MSI2: variants seen among roughly 807,000 people sequenced by gnomAD.
MSI2 encodes RNA-binding protein Musashi homolog 2.
In MSI2, 17 loss-of-function variants were observed where a neutral mutation model predicts 45.6. That is an observed-to-expected ratio of 0.37 (90% CI 0.26 to 0.56). The LOEUF (loss-of-function observed/expected upper bound fraction) is 0.56, where lower values mean the gene tolerates loss of function less well. Ranked by LOEUF, MSI2 falls within the 20% of genes least tolerant of loss-of-function variation. The probability of loss-of-function intolerance (pLI) is 0.77; values close to 1 mark genes in which losing one functional copy is unlikely to be tolerated. For synonymous variants in MSI2, 156 were observed against 158.2 expected, an observed-to-expected ratio of 0.99 and a Z score of 0.11; for missense variants, 293 against 444.2, an observed-to-expected ratio of 0.66 and a Z score of 3.06.
rs12450773 is a variant in MSI2, at chr17:57,646,742, A to T, written c.728-5357A>T. 1.5e-3 allele frequency among the ~76,000 whole-genome samples: 234 copies of T among 152,334 alleles called. 1 individual carries two copies. The South Asian group carries it at 0.016, about 11-fold the overall frequency. Reference sequence around the variant, plus strand: ...GAATGGGTCTTCGAGTCTGACGCCCATTAAACAAGATGGTTCCCACAAGCC... The same window carrying T: ...GAATGGGTCTTCGAGTCTGACGCCCTTTAAACAAGATGGTTCCCACAAGCC... On this transcript the variant is annotated intron_variant, in intron 10 of 13. Transcript: ENST00000284073.
At chr17:57,408,523 C>T (rs988871034) in intron 6 of MSI2, among the ~76,000 whole-genome samples, 7 of 149,350 alleles carry the variant, frequency 4.7e-5, no homozygotes, top group South Asian at 4.5e-4. Context: ...TTTTCTGCTG[C>T]GGCAAGGAGA....
intron 6 of MSI2, among the ~76,000 whole-genome samples, chr17:57,413,173 T>A (rs190152293): frequency 2.7e-4 from 41 of 150,840 alleles, no homozygotes; most frequent in East Asian, 9.7e-4. Context: ...ACACACACAC[T>A]CTCTCTCTCT....
intron 6 of MSI2, among the ~76,000 whole-genome samples, chr17:57,405,019 A>G (rs1218973651): frequency 6.6e-6 from 1 of 152,042 alleles, no homozygotes; most frequent in Non-Finnish European, 1.5e-5. Flanking sequence ...TGAGCTACCC[A>G]GGGGTGAAGA....
intron 13 of MSI2, among the ~76,000 whole-genome samples, chr17:57,677,848 G>C (rs1913342218): frequency 1.3e-5 from 2 of 152,178 alleles, no homozygotes; most frequent in Admixed American, 1.3e-4. Context: ...ACACTCCTTT[G>C]GAAATGAGTA....
At chr17:57,632,512 CT>C in intron 10 of MSI2, 1 of 1,067,052 alleles carries the variant, frequency 9.4e-7, no homozygotes, top group Admixed American at 5.3e-5. Context: ...TGGGCCCCGC[CT>C]TCCCCAGCTC....
chr17:57,622,628 G>C (rs1273106461), intron 9 of MSI2, among the ~76,000 whole-genome samples: 1 of 151,496 alleles, frequency 6.6e-6, no homozygotes. Context: ...AGTGTTCCCT[G>C]ACATTAAGCC....
chr17:57,551,383 C>G (rs752203668), intron 7 of MSI2, among the ~76,000 whole-genome samples: 1 of 152,090 alleles, frequency 6.6e-6, no homozygotes, highest in Non-Finnish European at 1.5e-5. Context: ...GTGTGAGCCT[C>G]GGGGATTGCT....
At chr17:57,386,942 C>T (rs930521) in intron 5 of MSI2, among the ~76,000 whole-genome samples, 136,829 of 152,300 alleles carry the variant, frequency 0.9, 61,474 homozygotes, top group East Asian at 0.97. Flanking sequence ...TGCAGGGCAA[C>T]TTCCCCTTAG....
Position 57,682,804 on chromosome 17 carries a change from T to A in MSI2, c.*3287T>A. The A allele has an allele frequency of 4.5e-6, 1 of 224,246 alleles. No homozygotes were observed. Among genetic ancestry groups the A allele is most frequent in the Non-Finnish European group, 8.9e-6 (1 of 112,516 alleles). The allele number at this position is 224,246 out of a possible 1,614,324, so 13.9% of individuals were successfully genotyped here. A position where few individuals can be genotyped will look rare whatever the true frequency, so the allele number is the denominator to read the frequency against. Reference sequence around the variant, plus strand: ...ATTATCAAACAGCCACCGGGTGACTTTCTGGCTTCCAGATCCATCTGCCTG... The same window carrying A: ...ATTATCAAACAGCCACCGGGTGACTATCTGGCTTCCAGATCCATCTGCCTG... On this transcript the variant is annotated 3_prime_UTR_variant, in exon 14 of 14. Coordinates refer to ENST00000284073, the MANE Select transcript of MSI2 (RefSeq NM_138962.4).
rs118162129 is a variant in MSI2 at position 57,388,147 on chromosome 17, G to A, written c.313-13232G>A. 4.2e-4 allele frequency among the ~76,000 whole-genome samples: 64 copies of A among 152,154 alleles called. 1 individual carries two copies. Among genetic ancestry groups the A allele is most frequent in the South Asian group, 8.3e-4 (4 of 4,812 alleles). The stretch of plus-strand genomic sequence containing the variant: ...CTTAGGTTTAGAAAAATCATCTTCC[G>A]TCCTTAGAGGGTTGAGACATTCAAT... On this transcript the variant is annotated intron_variant, in intron 5 of 13. Coordinates refer to ENST00000284073, the MANE Select transcript of MSI2 (RefSeq NM_138962.4).
At chr17:57,655,378 C>G (rs1353890929) in intron 11 of MSI2, among the ~76,000 whole-genome samples, 1 of 152,162 alleles carries the variant, frequency 6.6e-6, no homozygotes, top group African/African-American at 2.4e-5. Context: ...CAGAAGCCTC[C>G]CCCGACAGGT....
At chr17:57,606,588 C>T (rs1351590028) in intron 8 of MSI2, among the ~76,000 whole-genome samples, 1 of 152,104 alleles carries the variant, frequency 6.6e-6, no homozygotes, top group Non-Finnish European at 1.5e-5. Flanking sequence ...ACCCATTGCC[C>T]AGATTCTGAG....
chr17:57,584,759 G>A (rs2088299030), intron 7 of MSI2, among the ~76,000 whole-genome samples: 1 of 151,742 alleles, frequency 6.6e-6, no homozygotes. Flanking sequence ...GCACAGCCAG[G>A]TGCGACACTC....
rs544562507 is a variant in MSI2 at position 57,561,778 on chromosome 17, C to T, written c.454+32054C>T. On this transcript the variant is annotated intron_variant, in intron 7 of 13. Transcript: ENST00000284073. ...CAGCACCCCTTTATCCAGAGGGGAT[C>T]GGCTGCATGTTTAATGAGAACTTTA... 2.2e-4 allele frequency among the ~76,000 whole-genome samples: 34 copies of T among 152,196 alleles called. No homozygotes were observed. In the East Asian group the frequency reaches 4.8e-3, roughly 22 times the overall value.
chr17:57,264,471 C>G (rs554787848), intron 5 of MSI2: 9 of 152,222 alleles, frequency 5.9e-5, no homozygotes, highest in Non-Finnish European at 1.0e-4. Flanking sequence ...CCTCTGCCCC[C>G]CAGAGTGCTG....
At chr17:57,527,285 C>T (rs1292077242) in intron 6 of MSI2, among the ~76,000 whole-genome samples, 1 of 151,714 alleles carries the variant, frequency 6.6e-6, no homozygotes, top group Non-Finnish European at 1.5e-5. Context: ...ACCCACACCC[C>T]AGGCATTCGA....
chr17:57,648,745 C>A (rs143474406), intron 10 of MSI2, among the ~76,000 whole-genome samples: 1 of 152,304 alleles, frequency 6.6e-6, no homozygotes, highest in Non-Finnish European at 1.5e-5. Context: ...CCTGCCAGAC[C>A]ACCTGCCTGG....
chr17:57,361,569 T>C (rs753686924), intron 5 of MSI2, among the ~76,000 whole-genome samples: 3 of 148,074 alleles, frequency 2.0e-5, no homozygotes, highest in Non-Finnish European at 4.4e-5. Context: ...ATCATGCCAC[T>C]GCACTCAAGC....
rs111461890 is a variant in MSI2, at chr17:57,610,450, TA to T, written c.538-5506del. ...CTGAGCGACACAGCAAGACTCCGTC[TA>T]AAAAAAAAAAAAATTCTACATATAG... On this transcript the variant is annotated intron_variant, in intron 8 of 13. Coordinates refer to ENST00000284073, the MANE Select transcript of MSI2 (RefSeq NM_138962.4). Among the ~76,000 whole-genome samples the T allele has an allele frequency of 1.5e-3, 159 of 109,454 alleles. 4 individuals are homozygous for T. Among genetic ancestry groups the T allele is most frequent in the Admixed American group, 1.9e-3 (21 of 11,182 alleles). The allele number at this position is 109,454 out of a possible 152,430, so 71.8% of individuals were successfully genotyped here.
Sources: allele counts gnomAD v4.1 joint callset (sites outside exome capture counted in the v4.1 genomes callset), GRCh38; gene constraint gnomAD v4.1.1; transcripts MANE v1.5; gene names NCBI Gene and HGNC (gene_info 2026-07-23, HGNC 2026-07-21).